The following SNTG1 variants were observed in gnomAD, a reference collection of about 807,000 sequenced individuals.
SNTG1 encodes the protein syntrophin gamma 1, also known as gamma-1-syntrophin.
A neutral mutation model predicts 74.7 loss-of-function variants in SNTG1; 39 were observed. The observed-to-expected ratio is 0.52, with a 90% CI of 0.40 to 0.68. The LOEUF (loss-of-function observed/expected upper bound fraction) is 0.68, where lower values mean the gene tolerates loss of function less well. Ranked by LOEUF, SNTG1 falls within the 30% of genes least tolerant of loss-of-function variation. SNTG1 has a pLI of 0.00. For synonymous variants in SNTG1, 254 were observed against 217.1 expected (o/e 1.17, Z -1.49); for missense variants, 685 against 609.5 (o/e 1.12, Z -1.30).
In SNTG1 at chr8:50,157,261, A is replaced by T. The variant is rs144431230; in HGVS notation, c.-102-15300A>T. Among the ~76,000 whole-genome samples, 1,207 of 152,194 alleles carry T rather than the reference A, an allele frequency of 7.9e-3. 16 individuals carry two copies. Among genetic ancestry groups the T allele is most frequent in the African/African-American group, 0.028 (1,163 of 41,556 alleles). On this transcript the variant is annotated intron_variant, in intron 1 of 18. Transcript: ENST00000642720. The stretch of plus-strand genomic sequence containing the variant: ...TGCTTTCTAGGTAAATTAATCTATG[A>T]TGATGAAAATCAGAAGAGTGACTGT...
intron 1 of SNTG1, among the ~76,000 whole-genome samples, chr8:50,119,897 T>C (rs955961141): frequency 4.9e-5 from 7 of 142,458 alleles, no homozygotes; most frequent in Non-Finnish European, 9.4e-5. Context: ...ATGCATTACA[T>C]ACTTCTTTGA....
chr8:50,114,595 A>G (rs1217447290), intron 1 of SNTG1, among the ~76,000 whole-genome samples: 3 of 152,182 alleles, frequency 2.0e-5, no homozygotes, highest in Admixed American at 2.0e-4. Flanking sequence ...AGCCGGGCGC[A>G]GTGGCTCACA....
chr8:49,910,789 G>A (rs1805539908), upstream of SNTG1: 1 of 152,290 alleles, frequency 6.6e-6, no homozygotes, highest in African/African-American at 2.4e-5. Flanking sequence ...ATTGGGCTTT[G>A]CTCTGGCTTT....
rs111718862 is a variant in SNTG1, at chr8:50,258,349, T to A, written c.-28+85714T>A. Among the ~76,000 whole-genome samples, 6 of 152,284 alleles carry A rather than the reference T, an allele frequency of 3.9e-5. 1 individual carries two copies. The East Asian group carries it at 1.2e-3, about 29-fold the overall frequency. Reference sequence around the variant, plus strand: ...TAATGTGTATACAAATAAAATATATTTTTGATGAAACATAAAATGTTCACT... The same window carrying A: ...TAATGTGTATACAAATAAAATATATATTTGATGAAACATAAAATGTTCACT... On this transcript the variant is annotated intron_variant, in intron 2 of 18. Transcript: ENST00000642720.
At chr8:50,340,766 C>G (rs891775637) in intron 2 of SNTG1, among the ~76,000 whole-genome samples, 49 of 151,882 alleles carry the variant, frequency 3.2e-4, no homozygotes, top group African/African-American at 1.2e-3. Flanking sequence ...TTTTCCCTCA[C>G]TAATCTATTG....
At chr8:50,065,428 G>C (rs78678706) in intron 1 of SNTG1, among the ~76,000 whole-genome samples, 1 of 152,108 alleles carries the variant, frequency 6.6e-6, no homozygotes, top group African/African-American at 2.4e-5. Flanking sequence ...AAATAAAATC[G>C]CATTTTAATT....
chr8:50,686,934 G>A (rs555130380), intron 15 of SNTG1, among the ~76,000 whole-genome samples: 1 of 151,494 alleles, frequency 6.6e-6, no homozygotes, highest in East Asian at 1.9e-4. Context: ...AGGAGATCGA[G>A]ACCATCCTGG....
intron 2 of SNTG1, among the ~76,000 whole-genome samples, chr8:50,350,806 G>T (rs1172632538): frequency 6.6e-6 from 1 of 152,064 alleles, no homozygotes; most frequent in African/African-American, 2.4e-5. Flanking sequence ...GATTGTAAAC[G>T]CACCAATCAG....
chr8:50,250,665 A>G (rs2086607347), intron 2 of SNTG1, among the ~76,000 whole-genome samples: 1 of 152,104 alleles, frequency 6.6e-6, no homozygotes, highest in Non-Finnish European at 1.5e-5. Flanking sequence ...GACATACTAC[A>G]AACACTGAAA....
intron 1 of SNTG1, among the ~76,000 whole-genome samples, chr8:50,104,587 T>C (rs1365118562): frequency 6.6e-6 from 1 of 152,168 alleles, no homozygotes; most frequent in Admixed American, 6.6e-5. Flanking sequence ...ATTTTAGTTA[T>C]TTTTCGCCGT....
chr8:50,195,094 C>T (rs1214568026), intron 2 of SNTG1, among the ~76,000 whole-genome samples: 3 of 152,062 alleles, frequency 2.0e-5, no homozygotes. Context: ...TGACCTCAGT[C>T]TCTACTTGGG....
intron 1 of SNTG1, among the ~76,000 whole-genome samples, chr8:49,984,485 G>T (rs1162010374): frequency 6.6e-6 from 1 of 152,070 alleles, no homozygotes; most frequent in Non-Finnish European, 1.5e-5. Context: ...GATTATAGGC[G>T]TGAGCCACTG....
At chr8:50,762,784 C>A (rs2095602680) in intron 18 of SNTG1, 1 of 465,668 alleles carries the variant, frequency 2.1e-6, no homozygotes, top group Non-Finnish European at 4.3e-6. Context: ...TCTTGCCTTT[C>A]TCAACATCAC....
At chr8:49,976,169 C>A (rs1812172745) in intron 1 of SNTG1, among the ~76,000 whole-genome samples, 1 of 152,088 alleles carries the variant, frequency 6.6e-6, no homozygotes, top group Non-Finnish European at 1.5e-5. Flanking sequence ...TAATTAGATC[C>A]TATATCTTCT....
chr8:50,347,729 G>T (rs1271616198), intron 2 of SNTG1, among the ~76,000 whole-genome samples: 1 of 152,090 alleles, frequency 6.6e-6, no homozygotes, highest in African/African-American at 2.4e-5. Flanking sequence ...ATCCATAGTA[G>T]GTGTTCAACT....
intron 1 of SNTG1, among the ~76,000 whole-genome samples, chr8:49,965,024 G>A (rs1811020343): frequency 2.6e-5 from 4 of 152,120 alleles, no homozygotes; most frequent in Admixed American, 2.6e-4. Context: ...ATAGAGCATG[G>A]GATCTCTGAC....
chr8:50,348,607 A>AT (rs2091554484), intron 2 of SNTG1, among the ~76,000 whole-genome samples: 1 of 152,184 alleles, frequency 6.6e-6, no homozygotes, highest in African/African-American at 2.4e-5. Context: ...TAAATCAGAA[A>AT]TCCCTTCCTT....
intron 2 of SNTG1, among the ~76,000 whole-genome samples, chr8:50,174,758 C>G (rs545647741): frequency 6.6e-6 from 1 of 151,816 alleles, no homozygotes; most frequent in Non-Finnish European, 1.5e-5. Flanking sequence ...ATGTGCACAA[C>G]GTGCAGGTTT....
chr8:50,560,771 A>G (rs373850987), intron 12 of SNTG1, among the ~76,000 whole-genome samples: 1 of 152,248 alleles, frequency 6.6e-6, no homozygotes, highest in East Asian at 1.9e-4. Context: ...GTGGGGCTCA[A>G]TACCTGTATG....
Sources: gnomAD v4.1 joint callset for allele counts (sites outside exome capture counted in the v4.1 genomes callset) on GRCh38, gnomAD v4.1.1 for gene constraint, MANE v1.5 for transcripts, NCBI Gene and HGNC (gene_info 2026-07-23, HGNC 2026-07-21) for gene names.